DNAL1: variants seen among roughly 807,000 people sequenced by gnomAD.
The protein encoded by DNAL1 is chromosome 14 open reading frame 168.
Under a neutral mutation model 29.4 loss-of-function variants are expected in DNAL1, and 17 were observed. That is an observed-to-expected ratio of 0.58 (90% CI 0.40 to 0.87). The LOEUF is 0.87. Among genes scored for constraint, DNAL1 ranks in the 40% least tolerant of loss-of-function variants. The pLI is 0.00. For synonymous variants in DNAL1, 78 were observed against 76.3 expected (o/e 1.02, Z -0.12); for missense variants, 188 against 214.1 (o/e 0.88, Z 0.76).
intron 4 of DNAL1, among the ~76,000 whole-genome samples, chr14:73,668,530 CAA>C (rs1891541297): frequency 6.6e-6 from 1 of 152,120 alleles, no homozygotes; most frequent in African/African-American, 2.4e-5. Flanking sequence ...GTTGCTGTAA[CAA>C]AGTCCCACAG....
At chr14:73,677,798 C>A (rs1427028119) in intron 5 of DNAL1, among the ~76,000 whole-genome samples, 2 of 150,766 alleles carry the variant, frequency 1.3e-5, no homozygotes, top group Non-Finnish European at 3.0e-5. Flanking sequence ...ACCTCGTGAT[C>A]CGCCCACCTT....
intron 3 of DNAL1, among the ~76,000 whole-genome samples, chr14:73,661,561 A>T (rs192387529): frequency 1.2e-3 from 183 of 152,282 alleles, no homozygotes; most frequent in African/African-American, 4.1e-3. Context: ...CTTGGCCAAC[A>T]TGGTGAAACC....
rs144591857 is a variant in DNAL1 at position 73,703,278 on chromosome 14, T to C, written c.*7336T>C. On this transcript the variant is annotated 3_prime_UTR_variant, in exon 8 of 8. Coordinates refer to ENST00000553645, the MANE Select transcript of DNAL1 (RefSeq NM_031427.4). ...ATATGTATTGCATTGAATATATATA[T>C]ACGCATGTAGATACATACAATTGTT... The C allele has an allele frequency of 6.6e-6, 1 of 152,298 alleles. No individual in the cohort carries two copies. The highest frequency in any genetic ancestry group is 2.4e-5 in the African/African-American group (1 of 41,556). The allele number at this position is 152,298 out of a possible 1,614,324, so 9.4% of individuals were successfully genotyped here. A position where few individuals can be genotyped will look rare whatever the true frequency, so the allele number is the denominator to read the frequency against.
At chr14:73,683,629 C>T (rs1458434214) in intron 5 of DNAL1, among the ~76,000 whole-genome samples, 1 of 151,884 alleles carries the variant, frequency 6.6e-6, no homozygotes, top group Non-Finnish European at 1.5e-5. Flanking sequence ...CCCCACCCCC[C>T]TCTCCAGTCT....
intron 3 of DNAL1, among the ~76,000 whole-genome samples, chr14:73,661,032 C>T (rs534032223): frequency 7.9e-5 from 12 of 152,218 alleles, no homozygotes; most frequent in African/African-American, 2.6e-4. Context: ...TTACCTGACT[C>T]GCACACTCAT....
intron 5 of DNAL1, among the ~76,000 whole-genome samples, chr14:73,686,261 A>G (rs981882604): frequency 6.6e-6 from 1 of 152,138 alleles, no homozygotes; most frequent in African/African-American, 2.4e-5. Context: ...CTGTTCAGTT[A>G]TTGTCCAATT....
intron 7 of DNAL1, 134 bp downstream of exon 7, chr14:73,689,649 T>C (rs1480005475): frequency 2.2e-6 from 3 of 1,360,550 alleles, no homozygotes; most frequent in African/African-American, 1.5e-5. Context: ...CTATGTAAAA[T>C]TGAATGGTCT....
At chr14:73,648,042 A>G (rs555491472) in intron 1 of DNAL1, among the ~76,000 whole-genome samples, 3 of 152,214 alleles carry the variant, frequency 2.0e-5, no homozygotes, top group East Asian at 1.9e-4. Flanking sequence ...CAGTGGCACA[A>G]TCTCGGCTCA....
chr14:73,703,618 G>A lies in DNAL1; in HGVS notation c.*7676G>A, dbSNP rs12892995. The A allele has an allele frequency of 0.3, 45,002 of 152,070 alleles. 6,943 individuals are homozygous for A. The highest frequency in any genetic ancestry group is 0.43 in the Middle Eastern group (124 of 290). The allele number at this position is 152,070 out of a possible 1,614,324, so 9.4% of individuals were successfully genotyped here. On this transcript the variant is annotated 3_prime_UTR_variant, in exon 8 of 8. Coordinates refer to ENST00000553645, the MANE Select transcript of DNAL1 (RefSeq NM_031427.4). ...GCAAAACATTGCTCTTAACTTCAGCGCCTATCCCAAAACCTATAAGAACTG... is the reference window on the plus strand; with the variant it reads ...GCAAAACATTGCTCTTAACTTCAGCACCTATCCCAAAACCTATAAGAACTG...
At position 73,701,901 on chromosome 14, in the gene DNAL1, T is replaced by C. The variant is rs1379687911; in HGVS notation, c.*5959T>C. On this transcript the variant is annotated 3_prime_UTR_variant, in exon 8 of 8. Transcript: ENST00000553645. ...AGAAATGTTGAGTTTCTGAATGTTA[T>C]TTTGTGATTTGTTTCAAAATGGTAA... The C allele has an allele frequency of 6.6e-6, 1 of 151,956 alleles. No homozygotes were observed. Among genetic ancestry groups the C allele is most frequent in the Non-Finnish European group, 1.5e-5 (1 of 68,038 alleles). 9.4% of individuals were successfully genotyped at this position (151,956 alleles called of 1,614,324 possible).
chr14:73,694,317 G>A (rs1401790415), intron 7 of DNAL1, among the ~76,000 whole-genome samples: 1 of 151,812 alleles, frequency 6.6e-6, no homozygotes, highest in Non-Finnish European at 1.5e-5. Context: ...AGAGAAAAGG[G>A]AAAGAAAAAT....
chr14:73,645,079 G>A, intron 1 of DNAL1, 37 bp downstream of exon 1: 1 of 1,602,824 alleles, frequency 6.2e-7, no homozygotes, highest in Non-Finnish European at 8.5e-7. Context: ...AAAGCTGAGA[G>A]AAGATTGGGA....
chr14:73,663,001 C>T (rs1342027988), intron 4 of DNAL1, among the ~76,000 whole-genome samples: 1 of 151,812 alleles, frequency 6.6e-6, no homozygotes, highest in African/African-American at 2.4e-5. Flanking sequence ...TTTCCATTTC[C>T]AGGAGTTACA....
intron 7 of DNAL1, among the ~76,000 whole-genome samples, chr14:73,694,848 G>A (rs986046216): frequency 6.6e-6 from 1 of 151,684 alleles, no homozygotes; most frequent in African/African-American, 2.4e-5. Flanking sequence ...CGCCACAACA[G>A]CCAGCCAATT....
At position 73,687,203 on chromosome 14, in the gene DNAL1, G is replaced by A; in HGVS notation, c.265-56G>A. On this transcript the variant is annotated intron_variant, in intron 5 of 7. Transcript: ENST00000553645. ...CCATTATGTATATCTTTATAAAGAA[G>A]AAGACAGAAAGAAAAGCTTAAACAT... is the stretch of plus-strand genomic sequence containing the variant. 3.1e-6 allele frequency: 5 copies of A among 1,596,438 alleles called. No individual in the cohort carries two copies. In the Admixed American group the frequency reaches 8.6e-5, roughly 27 times the overall value.
intron 7 of DNAL1, among the ~76,000 whole-genome samples, chr14:73,691,480 C>T (rs963889228): frequency 1.3e-5 from 2 of 151,854 alleles, no homozygotes; most frequent in African/African-American, 2.4e-5. Flanking sequence ...ACCTGGGAGG[C>T]GGTGGTTGCA....
At chr14:73,648,787 C>T (rs901726721) in intron 1 of DNAL1, among the ~76,000 whole-genome samples, 5 of 151,602 alleles carry the variant, frequency 3.3e-5, no homozygotes, top group African/African-American at 1.2e-4. Context: ...ACCAATTTTT[C>T]CATTTTTCTT....
intron 7 of DNAL1, among the ~76,000 whole-genome samples, chr14:73,690,333 G>A (rs1422246899): frequency 6.6e-6 from 1 of 152,072 alleles, no homozygotes; most frequent in Non-Finnish European, 1.5e-5. Flanking sequence ...TGTATCACAA[G>A]GAGGACACCC....
intron 5 of DNAL1, among the ~76,000 whole-genome samples, chr14:73,679,793 A>C (rs1891833681): frequency 2.2e-5 from 1 of 45,502 alleles, no homozygotes; most frequent in Non-Finnish European, 3.9e-5. Context: ...AAATAGTCTT[A>C]TCTTCTTAAT....
Sources: allele counts gnomAD v4.1 joint callset (sites outside exome capture counted in the v4.1 genomes callset), GRCh38; gene constraint gnomAD v4.1.1; transcripts MANE v1.5; gene names NCBI Gene and HGNC (gene_info 2026-07-23, HGNC 2026-07-21).